The following FBXW7 variants were observed in gnomAD, a reference collection of about 807,000 sequenced individuals.
FBXW7 encodes F-box/WD repeat-containing protein 7.
Under a neutral mutation model 86.3 loss-of-function variants are expected in FBXW7, and 11 were observed. The observed-to-expected ratio is 0.13, with a 90% CI of 0.08 to 0.21. The LOEUF (loss-of-function observed/expected upper bound fraction) is 0.21, where lower values mean the gene tolerates loss of function less well. Among genes scored for constraint, FBXW7 ranks in the 10% least tolerant of loss-of-function variants. The pLI, the probability that FBXW7 is intolerant of heterozygous loss-of-function variation, is 1.00. For synonymous variants in FBXW7, 313 were observed against 297.9 expected (o/e 1.05, Z -0.52); for missense variants, 488 against 847.4 (o/e 0.58, Z 5.27).
intron 2 of FBXW7, among the ~76,000 whole-genome samples, chr4:152,532,185 T>C (rs1227532208): frequency 6.6e-6 from 1 of 152,222 alleles, no homozygotes; most frequent in Non-Finnish European, 1.5e-5. Context: ...TATCCAATTG[T>C]TGCCCTAAAA....
chr4:152,464,418 A>G (rs1038143546), intron 2 of FBXW7, among the ~76,000 whole-genome samples: 2 of 152,200 alleles, frequency 1.3e-5, no homozygotes, highest in African/African-American at 4.8e-5. Flanking sequence ...CTGAGGAAAA[A>G]GGGTATAAAA....
chr4:152,359,821 A>G (rs1356071989), intron 4 of FBXW7, among the ~76,000 whole-genome samples: 1 of 152,152 alleles, frequency 6.6e-6, no homozygotes, highest in Non-Finnish European at 1.5e-5. Flanking sequence ...ACTGGACTAT[A>G]TATCAATTGC....
chr4:152,456,812 A>G lies in FBXW7; in HGVS notation c.-119-44283T>C, dbSNP rs552780071. On this transcript the variant is annotated intron_variant, in intron 2 of 13. Coordinates refer to ENST00000281708, the MANE Select transcript of FBXW7 (RefSeq NM_001349798.2). ...CTGATACAAACCGGAAAAGTTTGGC[A>G]GTGTCTTATACAGGTAAACATACAC... Among the ~76,000 whole-genome samples the G allele has an allele frequency of 1.5e-4, 23 of 152,354 alleles. No individual in the cohort carries two copies. In the South Asian group the frequency reaches 4.8e-3, roughly 32 times the overall value.
chr4:152,442,785 C>T (rs760031876), intron 2 of FBXW7, among the ~76,000 whole-genome samples: 2 of 152,140 alleles, frequency 1.3e-5, no homozygotes, highest in African/African-American at 4.8e-5. Context: ...GACAGACCAA[C>T]AAGGACAGTA....
chr4:152,468,786 A>T (rs1162803648), intron 2 of FBXW7, among the ~76,000 whole-genome samples: 1 of 152,154 alleles, frequency 6.6e-6, no homozygotes, highest in Non-Finnish European at 1.5e-5. Context: ...TGAAATATAC[A>T]TGATAAGCAT....
intron 4 of FBXW7, among the ~76,000 whole-genome samples, chr4:152,369,639 T>G (rs1733830786): frequency 6.6e-6 from 1 of 152,042 alleles, no homozygotes; most frequent in African/African-American, 2.4e-5. Context: ...AATAAGACTG[T>G]TCGGTAATCT....
At chr4:152,499,196 G>A (rs1304542754) in intron 2 of FBXW7, among the ~76,000 whole-genome samples, 1 of 152,102 alleles carries the variant, frequency 6.6e-6, no homozygotes, top group Non-Finnish European at 1.5e-5. Context: ...CTCTGTCACT[G>A]CTACCTCTAA....
intron 2 of FBXW7, among the ~76,000 whole-genome samples, chr4:152,494,127 A>G (rs1360562232): frequency 1.6e-4 from 24 of 152,212 alleles, no homozygotes; most frequent in Non-Finnish European, 1.5e-5. Flanking sequence ...AAGTGTAAAG[A>G]AAAGTTAAAC....
At position 152,326,062 on chromosome 4, in the gene FBXW7, T is replaced by A. The variant is rs2126493151; in HGVS notation, c.1588A>T (p.Thr530Ser). Residue 530 changes from threonine (T) to serine (S), a missense_variant, in exon 12 of 14, where the codon ACT becomes TCT. Around this residue, in one of 4 missense-constraint regions of FBXW7, gnomAD observed 142 missense variants for 406.6 expected, o/e 0.35. Coordinates refer to ENST00000281708, the MANE Select transcript of FBXW7 (RefSeq NM_001349798.2). ...TGCAACGTGTGTAGACAGGTTTCAG[T>A]CTCTGGATCCCACACCTTTACCATA... ...DFMVKVWDPETETCLHTLQGH... is the reference protein window; with the variant it reads ...DFMVKVWDPESETCLHTLQGH... 1 of 1,613,272 alleles carries A rather than the reference T, an allele frequency of 6.2e-7. No individual in the cohort carries two copies. Among genetic ancestry groups the A allele is most frequent in the Non-Finnish European group, 8.5e-7 (1 of 1,179,510 alleles).
rs1243550322 is a variant in FBXW7 at position 152,347,089 on chromosome 4, AGAG to A, written c.585-21_585-19del. 2.6e-6 allele frequency: 4 copies of A among 1,562,284 alleles called. No individual in the cohort carries two copies. The African/African-American group carries it at 4.2e-5, about 16-fold the overall frequency. ...CAGTGGTACTACAAAAAAAAAAAAA[AGAG>A]AGAGAGAAAGGATAAAAGGAAAAAA... On this transcript the variant is annotated intron_variant, in intron 5 of 13. Coordinates refer to ENST00000281708, the MANE Select transcript of FBXW7 (RefSeq NM_001349798.2).
At chr4:152,402,569 C>A (rs1363178327) in intron 4 of FBXW7, among the ~76,000 whole-genome samples, 2 of 152,154 alleles carry the variant, frequency 1.3e-5, no homozygotes, top group South Asian at 2.1e-4. Flanking sequence ...CGGGACCCAG[C>A]ATAAGATCTG....
chr4:152,339,613 A>T (rs1560776748), intron 6 of FBXW7, among the ~76,000 whole-genome samples: 1 of 152,172 alleles, frequency 6.6e-6, no homozygotes, highest in Non-Finnish European at 1.5e-5. Flanking sequence ...GGACATGCTC[A>T]TTTGGAGTGA....
intron 2 of FBXW7, among the ~76,000 whole-genome samples, chr4:152,416,096 A>G (rs950795563): frequency 3.3e-5 from 5 of 152,136 alleles, no homozygotes; most frequent in African/African-American, 1.2e-4. Flanking sequence ...TTTAAGTTCT[A>G]TAAGGAAAAG....
chr4:152,445,968 T>G lies in FBXW7; in HGVS notation c.-119-33439A>C, dbSNP rs141139440. Reference sequence around the variant, plus strand: ...CCAAAGTGCTTAGTACAGCACTTGGTCCAAAGTAAGAGTTCAATCAATGAA... The same window carrying G: ...CCAAAGTGCTTAGTACAGCACTTGGGCCAAAGTAAGAGTTCAATCAATGAA... On this transcript the variant is annotated intron_variant, in intron 2 of 13. Coordinates refer to ENST00000281708, the MANE Select transcript of FBXW7 (RefSeq NM_001349798.2). Among the ~76,000 whole-genome samples the G allele has an allele frequency of 7.6e-3, 1,076 of 141,898 alleles. 6 individuals carry two copies. The highest frequency in any genetic ancestry group is 0.02 in the Middle Eastern group (5 of 252). 93.1% of individuals were successfully genotyped at this position (141,898 alleles called of 152,430 possible).
At chr4:152,441,553 C>A (rs1233833188) in intron 2 of FBXW7, among the ~76,000 whole-genome samples, 1 of 152,090 alleles carries the variant, frequency 6.6e-6, no homozygotes. Flanking sequence ...ATTCAGTTTT[C>A]TTTTCAATTC....
In FBXW7 at chr4:152,332,631, T is replaced by A. The variant is rs1729670200; in HGVS notation, c.950A>T (p.Asp317Val). The change falls in exon 8 of 14, where the codon GAC becomes GTC. Residue 317 changes from aspartate (D) to valine (V), a missense_variant. This residue lies in a region of FBXW7 where 59 missense variants were observed against 137.9 expected (regional missense o/e 0.43). Transcript: ENST00000281708. ...GCATTTCTCTCTCCAGAGAAGGTTG[T>A]CTTCAGCCAAAATTCTCCAGTAGCG... ...TCRYWRILAE[D>V]NLLWREKCKE... is the part of the protein sequence containing the mutation. 1 of 1,607,002 alleles carries A rather than the reference T, an allele frequency of 6.2e-7. No individual in the cohort carries two copies. The highest frequency in any genetic ancestry group is 1.3e-5 in the African/African-American group (1 of 74,688).
chr4:152,364,678 T>C (rs1052922111), intron 4 of FBXW7, among the ~76,000 whole-genome samples: 1 of 152,198 alleles, frequency 6.6e-6, no homozygotes, highest in African/African-American at 2.4e-5. Flanking sequence ...ATTTGGGCCC[T>C]GTTTCTTAAC....
chr4:152,452,146 A>G (rs997143124), intron 2 of FBXW7, among the ~76,000 whole-genome samples: 6 of 152,230 alleles, frequency 3.9e-5, no homozygotes, highest in Non-Finnish European at 7.3e-5. Flanking sequence ...TTGTGTAAAC[A>G]TGTAATTAGC....
chr4:152,528,044 C>A (rs2149742570), intron 2 of FBXW7, among the ~76,000 whole-genome samples: 1 of 152,142 alleles, frequency 6.6e-6, no homozygotes, highest in South Asian at 2.1e-4. Flanking sequence ...AGGATGTGAT[C>A]CTCTCAGAGA....
Sources: allele counts gnomAD v4.1 joint callset (sites outside exome capture counted in the v4.1 genomes callset), GRCh38; gene constraint gnomAD v4.1.1; regional missense constraint gnomAD v4.1.1; transcripts MANE v1.5; gene names NCBI Gene and HGNC (gene_info 2026-07-23, HGNC 2026-07-21).